CNBD1: variants seen among roughly 807,000 people sequenced by gnomAD.
CNBD1 encodes the protein cyclic nucleotide-binding domain-containing protein 1.
A neutral mutation model predicts 54.4 loss-of-function variants in CNBD1; 71 were observed. That is an observed-to-expected ratio of 1.30 (90% CI 1.08 to 1.59). The LOEUF is 1.59. Ranked by LOEUF, CNBD1 falls within the 40% of genes most tolerant of loss-of-function variation. The pLI, the probability that CNBD1 is intolerant of heterozygous loss-of-function variation, is 0.00. For synonymous variants in CNBD1, 182 were observed against 170.7 expected (o/e 1.07, Z -0.51); for missense variants, 659 against 518.0 (o/e 1.27, Z -2.64).
chr8:87,055,415 G>C (rs1267949962), intron 4 of CNBD1, among the ~76,000 whole-genome samples: 1 of 151,964 alleles, frequency 6.6e-6, no homozygotes, highest in African/African-American at 2.4e-5. Flanking sequence ...ATATAATTGT[G>C]GGTTTGCTTT....
intron 7 of CNBD1, among the ~76,000 whole-genome samples, chr8:87,285,593 G>A (rs146431274): frequency 3.9e-5 from 6 of 152,152 alleles, no homozygotes; most frequent in Non-Finnish European, 7.4e-5. Flanking sequence ...AAAATTAGCC[G>A]GGCTTGGTGG....
chr8:87,026,072 A>G (rs1211194246), intron 4 of CNBD1, among the ~76,000 whole-genome samples: 1 of 152,170 alleles, frequency 6.6e-6, no homozygotes, highest in Non-Finnish European at 1.5e-5. Flanking sequence ...ATCACCTTCT[A>G]TTTAAGGTCA....
chr8:87,388,260 G>T (rs1215335912), intron 2 of CNBD1, among the ~76,000 whole-genome samples: 1 of 152,010 alleles, frequency 6.6e-6, no homozygotes, highest in Non-Finnish European at 1.5e-5. Flanking sequence ...AATCAGAGCA[G>T]AACTGAAGGA....
intron 4 of CNBD1, among the ~76,000 whole-genome samples, chr8:86,957,043 C>G (rs1322757948): frequency 1.3e-5 from 2 of 152,118 alleles, no homozygotes; most frequent in African/African-American, 4.8e-5. Context: ...GCATGAAGGG[C>G]TGTTGAATTT....
chr8:87,266,591 A>G (rs996362894), intron 6 of CNBD1, among the ~76,000 whole-genome samples: 1 of 151,542 alleles, frequency 6.6e-6, no homozygotes, highest in African/African-American at 2.4e-5. Context: ...AGCTGGGATT[A>G]CAGGCGTGTG....
At chr8:87,132,062 T>C (rs1298343117) in intron 4 of CNBD1, among the ~76,000 whole-genome samples, 2 of 151,978 alleles carry the variant, frequency 1.3e-5, no homozygotes, top group African/African-American at 4.8e-5. Context: ...GCCTCTATTT[T>C]TTGTTTGCCT....
intron 4 of CNBD1, among the ~76,000 whole-genome samples, chr8:87,052,845 C>A (rs1810338617): frequency 6.6e-6 from 1 of 152,196 alleles, no homozygotes; most frequent in South Asian, 2.1e-4. Context: ...ATCAGAGAAC[C>A]TTCCCAGGTC....
At chr8:87,427,984 AG>A (rs1808077900) in intron 2 of CNBD1, among the ~76,000 whole-genome samples, 1 of 152,064 alleles carries the variant, frequency 6.6e-6, no homozygotes, top group Admixed American at 6.6e-5. Context: ...TGGTTTGGGT[AG>A]GGTAGCCTGA....
intron 8 of CNBD1, among the ~76,000 whole-genome samples, chr8:87,303,056 A>G (rs1437120178): frequency 6.6e-6 from 1 of 151,944 alleles, no homozygotes; most frequent in Non-Finnish European, 1.5e-5. Context: ...AAATGGCCAT[A>G]CTGCCCAAGG....
At chr8:87,311,128 G>A (rs1235884933) in intron 8 of CNBD1, among the ~76,000 whole-genome samples, 6 of 151,962 alleles carry the variant, frequency 3.9e-5, no homozygotes, top group Non-Finnish European at 8.8e-5. Context: ...AAAAGCTTCT[G>A]CACAACAAAA....
chr8:87,108,995 C>T (rs1811602237), intron 4 of CNBD1, among the ~76,000 whole-genome samples: 2 of 151,812 alleles, frequency 1.3e-5, no homozygotes, highest in South Asian at 4.2e-4. Flanking sequence ...TCTAATTTGC[C>T]CTTGACTTTG....
chr8:87,011,045 T>C (rs1332112804), intron 4 of CNBD1, among the ~76,000 whole-genome samples: 11 of 152,178 alleles, frequency 7.2e-5, no homozygotes, highest in Non-Finnish European at 2.9e-5. Flanking sequence ...TGGAAACATG[T>C]TATCTTGTTG....
At chr8:86,983,333 T>G (rs1005825521) in intron 4 of CNBD1, among the ~76,000 whole-genome samples, 114 of 152,338 alleles carry the variant, frequency 7.5e-4, no homozygotes, top group African/African-American at 2.7e-3. Context: ...TTAAACCTCT[T>G]TCTTTTGTAA....
chr8:87,369,969 C>T (rs941227181), intron 10 of CNBD1, among the ~76,000 whole-genome samples: 3 of 151,850 alleles, frequency 2.0e-5, no homozygotes, highest in Non-Finnish European at 4.4e-5. Flanking sequence ...TGAGTGAGAA[C>T]ATGCAGTGTT....
chr8:87,083,534 C>A (rs534717881), intron 4 of CNBD1, among the ~76,000 whole-genome samples: 13 of 151,844 alleles, frequency 8.6e-5, no homozygotes, highest in Non-Finnish European at 1.3e-4. Context: ...ATAGCCTGGA[C>A]TCCCCACCCT....
chr8:87,373,337 T>G (rs776432488), intron 10 of CNBD1, among the ~76,000 whole-genome samples: 1 of 151,794 alleles, frequency 6.6e-6, no homozygotes, highest in Non-Finnish European at 1.5e-5. Flanking sequence ...TTGAAATATA[T>G]TGTTGACCCT....
chr8:87,269,177 G>A (rs1260018602), intron 6 of CNBD1, among the ~76,000 whole-genome samples: 1 of 151,938 alleles, frequency 6.6e-6, no homozygotes, highest in Admixed American at 6.6e-5. Context: ...TACTGAATAG[G>A]CAGTCCTTTC....
intron 1 of CNBD1, among the ~76,000 whole-genome samples, chr8:86,877,935 G>T (rs1356144272): frequency 1.3e-5 from 2 of 151,740 alleles, no homozygotes; most frequent in Non-Finnish European, 2.9e-5. Context: ...TTAAATCTTT[G>T]TCATTTTTGC....
chr8:87,394,059 A>T (rs1358165073), intron 2 of CNBD1, among the ~76,000 whole-genome samples: 1 of 151,890 alleles, frequency 6.6e-6, no homozygotes, highest in Non-Finnish European at 1.5e-5. Flanking sequence ...ACAATAATTT[A>T]AAAGGTACAT....
Sources: allele counts gnomAD v4.1 joint callset (sites outside exome capture counted in the v4.1 genomes callset), GRCh38; gene constraint gnomAD v4.1.1; transcripts MANE v1.5; gene names NCBI Gene and HGNC (gene_info 2026-07-23, HGNC 2026-07-21).